The following CDH18 variants were observed in gnomAD, a reference collection of about 807,000 sequenced individuals.
CDH18 encodes the protein cadherin-18.
CDH18 carries 31 observed loss-of-function variants against 67.9 expected under a neutral mutation model. That is an observed-to-expected ratio of 0.46 (90% confidence interval 0.34 to 0.62). The LOEUF is 0.62. Ranked by LOEUF, CDH18 falls within the 20% of genes least tolerant of loss-of-function variation. CDH18 has a pLI of 0.01. For missense variants in CDH18, 890 were observed against 975.5 expected (o/e 0.91, Z 1.17); for synonymous variants, 362 against 347.2 (o/e 1.04, Z -0.48).
chr5:20,302,431 G>A (rs760639777), intron 1 of CDH18, among the ~76,000 whole-genome samples: 42 of 152,028 alleles, frequency 2.8e-4, no homozygotes, highest in Admixed American at 3.3e-4. Flanking sequence ...TCCTCCCTAG[G>A]TGCCTACTAT....
At chr5:19,487,360 AT>A (rs1414852976) in intron 11 of CDH18, among the ~76,000 whole-genome samples, 1 of 152,188 alleles carries the variant, frequency 6.6e-6, no homozygotes, top group African/African-American at 2.4e-5. Flanking sequence ...TATTGAAAGG[AT>A]GGCTGCACTG....
At chr5:20,064,079 T>A (rs1442843126) in intron 2 of CDH18, among the ~76,000 whole-genome samples, 1 of 152,226 alleles carries the variant, frequency 6.6e-6, no homozygotes, top group Non-Finnish European at 1.5e-5. Flanking sequence ...CAATTATCTA[T>A]TAATGGAATA....
chr5:20,519,464 C>G (rs1755590660), intron 1 of CDH18, among the ~76,000 whole-genome samples: 1 of 151,978 alleles, frequency 6.6e-6, no homozygotes, highest in African/African-American at 2.4e-5. Context: ...ACTCCGGGGA[C>G]TGTTGTGGAG....
intron 4 of CDH18, among the ~76,000 whole-genome samples, chr5:19,741,070 T>TA (rs1769054257): frequency 1.3e-5 from 2 of 151,352 alleles, no homozygotes; most frequent in African/African-American, 4.8e-5. Context: ...CTGTTGAAAT[T>TA]ATTTAGATAA....
chr5:20,351,819 T>G (rs1278941333), intron 1 of CDH18, among the ~76,000 whole-genome samples: 3 of 152,098 alleles, frequency 2.0e-5, no homozygotes, highest in Non-Finnish European at 4.4e-5. Flanking sequence ...GGTAAGATCT[T>G]CACTTTTCGG....
intron 2 of CDH18, among the ~76,000 whole-genome samples, chr5:19,930,013 A>G (rs1579648424): frequency 6.6e-6 from 1 of 152,082 alleles, no homozygotes; most frequent in African/African-American, 2.4e-5. Flanking sequence ...AGGGTAAAAG[A>G]TAAGAATGGC....
intron 1 of CDH18, among the ~76,000 whole-genome samples, chr5:20,424,314 C>G (rs564122906): frequency 6.6e-6 from 1 of 150,974 alleles, no homozygotes; most frequent in South Asian, 2.1e-4. Context: ...CTGAAACACA[C>G]AGGCCGTATG....
chr5:20,195,469 A>C (rs1352914983), intron 2 of CDH18, among the ~76,000 whole-genome samples: 1 of 152,044 alleles, frequency 6.6e-6, no homozygotes, highest in Admixed American at 6.6e-5. Flanking sequence ...ACTACCTGTC[A>C]GATCACATAT....
At chr5:20,306,260 ATCT>A (rs1293192322) in intron 1 of CDH18, among the ~76,000 whole-genome samples, 2 of 152,152 alleles carry the variant, frequency 1.3e-5, no homozygotes, top group Non-Finnish European at 2.9e-5. Flanking sequence ...TGTTATGTTC[ATCT>A]TCTATGAGAT....
At chr5:19,795,204 T>C (rs1426463183) in intron 3 of CDH18, among the ~76,000 whole-genome samples, 1 of 152,040 alleles carries the variant, frequency 6.6e-6, no homozygotes, top group Non-Finnish European at 1.5e-5. Context: ...TCTTCATAAA[T>C]TATGAGACTT....
intron 1 of CDH18, among the ~76,000 whole-genome samples, chr5:20,290,531 T>C (rs890963890): frequency 1.3e-5 from 2 of 152,136 alleles, no homozygotes; most frequent in African/African-American, 4.8e-5. Context: ...CCTCAAAGAA[T>C]GAACTATAGA....
chr5:19,976,248 A>G (rs1406626122), intron 2 of CDH18, among the ~76,000 whole-genome samples: 2 of 152,204 alleles, frequency 1.3e-5, no homozygotes, highest in South Asian at 4.1e-4. Context: ...TACATAATAC[A>G]TTAAAAAGAT....
chr5:20,128,442 C>T (rs1294325688), intron 2 of CDH18, among the ~76,000 whole-genome samples: 1 of 152,080 alleles, frequency 6.6e-6, no homozygotes, highest in Non-Finnish European at 1.5e-5. Context: ...TATTAAGCCA[C>T]TCAAATGAGG....
intron 11 of CDH18, among the ~76,000 whole-genome samples, chr5:19,488,252 A>G (rs1216861433): frequency 3.3e-5 from 5 of 152,212 alleles, no homozygotes; most frequent in African/African-American, 7.2e-5. Context: ...ATTACCTTAT[A>G]GCTTAGAAAA....
chr5:19,517,569 A>G (rs1291149019), intron 10 of CDH18, among the ~76,000 whole-genome samples: 2 of 152,042 alleles, frequency 1.3e-5, no homozygotes, highest in African/African-American at 4.8e-5. Context: ...GGTATCACCT[A>G]TCTTTTTTCT....
chr5:19,585,998 T>C (rs1183719883), intron 7 of CDH18, among the ~76,000 whole-genome samples: 5 of 152,082 alleles, frequency 3.3e-5, no homozygotes, highest in Admixed American at 6.6e-5. Context: ...TGATTCAGTT[T>C]CTTTAGCTAT....
Position 19,651,190 on chromosome 5 carries a change from T to C in CDH18, c.644-38589A>G, listed in dbSNP as rs1755519181. 2.0e-5 allele frequency among the ~76,000 whole-genome samples: 3 copies of C among 152,178 alleles called. No individual in the cohort carries two copies. The South Asian group carries it at 6.2e-4, about 31-fold the overall frequency. On this transcript the variant is annotated intron_variant, in intron 5 of 12. Transcript: ENST00000382275. ...TCATAGGTTCAAGTTTTTTAGGAAA[T>C]CACTCTTTATGTAACCACTGTTTTA... is the stretch of plus-strand genomic sequence containing the variant.
intron 2 of CDH18, among the ~76,000 whole-genome samples, chr5:20,176,170 C>T (rs1003962859): frequency 1.3e-5 from 2 of 152,104 alleles, no homozygotes; most frequent in Admixed American, 1.3e-4. Flanking sequence ...CATGCATGCT[C>T]AAATGACTCC....
At chr5:20,242,623 T>C (rs1289099611) in intron 2 of CDH18, among the ~76,000 whole-genome samples, 1 of 119,324 alleles carries the variant, frequency 8.4e-6, no homozygotes, top group African/African-American at 4.1e-5. Context: ...TATATATATA[T>C]ATATATATAT....
Sources: gnomAD v4.1 joint callset for allele counts (sites outside exome capture counted in the v4.1 genomes callset) on GRCh38, gnomAD v4.1.1 for gene constraint, MANE v1.5 for transcripts, NCBI Gene and HGNC (gene_info 2026-07-23, HGNC 2026-07-21) for gene names.